Variants in IQCM observed in about 807,000 individuals in gnomAD.
IQCM encodes the protein IQ domain-containing protein M.
IQCM carries 45 observed loss-of-function variants against 57.6 expected under a neutral mutation model. That is an observed-to-expected ratio of 0.78 (90% CI 0.62 to 1.00). The LOEUF (loss-of-function observed/expected upper bound fraction) is 1.00, where lower values mean the gene tolerates loss of function less well. IQCM is among the 50% of genes least tolerant of loss of function. The probability of loss-of-function intolerance (pLI) is 0.00; values close to 1 mark genes in which losing one functional copy is unlikely to be tolerated. For missense variants in IQCM, 468 were observed against 511.6 expected (o/e 0.91, Z 0.82); for synonymous variants, 148 against 158.9 (o/e 0.93, Z 0.51).
chr4:149,526,404 A>G (rs886634644), intron 12 of IQCM, among the ~76,000 whole-genome samples: 7 of 152,064 alleles, frequency 4.6e-5, no homozygotes, highest in Admixed American at 4.6e-4. Flanking sequence ...ATATGCATAT[A>G]TAAGCAAGAA....
At chr4:149,565,958 G>T (rs899124450) in intron 9 of IQCM, among the ~76,000 whole-genome samples, 9 of 151,930 alleles carry the variant, frequency 5.9e-5, no homozygotes, top group African/African-American at 2.2e-4. Context: ...ATATCATTTT[G>T]TACACTGAGG....
chr4:149,468,398 C>T (rs1259431373), intron 12 of IQCM, among the ~76,000 whole-genome samples: 1 of 152,200 alleles, frequency 6.6e-6, no homozygotes, highest in Admixed American at 6.5e-5. Context: ...AGTCTGAGAT[C>T]AAACTGCAAG....
chr4:149,544,494 T>C (rs1020198579), intron 12 of IQCM, among the ~76,000 whole-genome samples: 1 of 152,166 alleles, frequency 6.6e-6, no homozygotes, highest in African/African-American at 2.4e-5. Context: ...AAATGATCTA[T>C]TGATTCAATG....
intron 2 of IQCM, among the ~76,000 whole-genome samples, chr4:149,791,490 G>A (rs1157711223): frequency 6.6e-6 from 1 of 151,936 alleles, no homozygotes; most frequent in Non-Finnish European, 1.5e-5. Context: ...AACTGTAGTT[G>A]CCCTATTGTG....
At chr4:149,461,088 G>T (rs1738231467) in intron 12 of IQCM, among the ~76,000 whole-genome samples, 1 of 151,978 alleles carries the variant, frequency 6.6e-6, no homozygotes, top group Non-Finnish European at 1.5e-5. Context: ...TACAAAATTA[G>T]GCGGGTGTGG....
chr4:149,393,116 T>C (rs1333014875), intron 13 of IQCM, among the ~76,000 whole-genome samples: 1 of 151,978 alleles, frequency 6.6e-6, no homozygotes, highest in East Asian at 1.9e-4. Context: ...TTAAGGCTAG[T>C]GAGCTGCAAT....
chr4:149,484,114 T>C, intron 12 of IQCM, among the ~76,000 whole-genome samples: 1 of 152,000 alleles, frequency 6.6e-6, no homozygotes, highest in East Asian at 1.9e-4. Flanking sequence ...ACTCCTGCTC[T>C]TTTTTTGTTT....
At chr4:149,369,549 T>C (rs1186402202) in intron 13 of IQCM, among the ~76,000 whole-genome samples, 1 of 152,220 alleles carries the variant, frequency 6.6e-6, no homozygotes, top group Admixed American at 6.5e-5. Context: ...AAAAGTGGTA[T>C]AGCATTACTA....
At chr4:149,615,005 T>C (rs1755661487) in intron 8 of IQCM, among the ~76,000 whole-genome samples, 1 of 152,218 alleles carries the variant, frequency 6.6e-6, no homozygotes, top group South Asian at 2.1e-4. Context: ...TATTTCCAAA[T>C]ACTAACTAGA....
chr4:149,359,971 T>A lies in IQCM; in HGVS notation c.1391-7905A>T, dbSNP rs185603406. On this transcript the variant is annotated intron_variant, in intron 13 of 13. Coordinates refer to ENST00000636793, the MANE Select transcript of IQCM (RefSeq NM_001363507.2). ...GATATAAAGGGCACTAGCTGAGAGCTTTCTGGGTCTCCATTTCCTAATCAA... is the reference window on the plus strand; with the variant it reads ...GATATAAAGGGCACTAGCTGAGAGCATTCTGGGTCTCCATTTCCTAATCAA... 1.8e-3 allele frequency among the ~76,000 whole-genome samples: 267 copies of A among 152,238 alleles called. 2 individuals carry two copies. The highest frequency in any genetic ancestry group is 5.4e-3 in the South Asian group (26 of 4,832).
intron 12 of IQCM, among the ~76,000 whole-genome samples, chr4:149,460,155 A>G (rs541709191): frequency 6.6e-6 from 1 of 152,150 alleles, no homozygotes; most frequent in South Asian, 2.1e-4. Flanking sequence ...TTTGATTTGC[A>G]TTTCCCTAAT....
chr4:149,437,947 G>C (rs1002119161), intron 12 of IQCM, among the ~76,000 whole-genome samples: 5 of 151,818 alleles, frequency 3.3e-5, no homozygotes, highest in African/African-American at 9.7e-5. Flanking sequence ...TAACGTACCC[G>C]CCCCTTCACA....
At chr4:149,677,687 A>T (rs1460538137) in intron 7 of IQCM, among the ~76,000 whole-genome samples, 1 of 151,988 alleles carries the variant, frequency 6.6e-6, no homozygotes, top group African/African-American at 2.4e-5. Flanking sequence ...CAAAGCAAAG[A>T]TTTAGCAACT....
At chr4:149,510,714 A>C (rs1280691454) in intron 12 of IQCM, among the ~76,000 whole-genome samples, 1 of 152,170 alleles carries the variant, frequency 6.6e-6, no homozygotes, top group Non-Finnish European at 1.5e-5. Flanking sequence ...ATACTAGTCA[A>C]GTATTTCATA....
rs900122575 is a variant in IQCM, at chr4:149,733,400, C to T, written c.229G>A (p.Val77Met). ...EIDKKVTRDV[V>M]QEHRAALRRI... is the part of the protein sequence containing the mutation. ...CTGAGTGCGGCCCGATGTTCTTGCA[C>T]CACATCACGTGTTACCTTTTTGTCA... The change falls in exon 5 of 14, where the codon GTG becomes ATG. Residue 77 changes from valine to methionine, a missense_variant. Physicochemically the swap from Val to Met is conservative, Grantham distance 21 (BLOSUM62 1). Coordinates refer to ENST00000636793, the MANE Select transcript of IQCM (RefSeq NM_001363507.2). 4 of 1,231,684 alleles carry T rather than the reference C, an allele frequency of 3.2e-6. No homozygotes were observed. The highest frequency in any genetic ancestry group is 3.1e-5 in the African/African-American group (2 of 64,362). 76.3% of individuals were successfully genotyped at this position (1,231,684 alleles called of 1,614,324 possible).
In IQCM at chr4:149,453,891, T is replaced by C. The variant is rs555232558; in HGVS notation, c.1229-20334A>G. ...TCTACCCATGAAATATTAAAATATA[T>C]GTTTATACAAAAACTTGTAATCAAT... On this transcript the variant is annotated intron_variant, in intron 12 of 13. Coordinates refer to ENST00000636793, the MANE Select transcript of IQCM (RefSeq NM_001363507.2). Among the ~76,000 whole-genome samples the C allele has an allele frequency of 8.6e-5, 13 of 151,948 alleles. No individual in the cohort carries two copies. The South Asian group carries it at 2.7e-3, about 31-fold the overall frequency.
intron 7 of IQCM, among the ~76,000 whole-genome samples, chr4:149,652,918 C>A (rs1759320467): frequency 6.6e-6 from 1 of 152,052 alleles, no homozygotes; most frequent in Non-Finnish European, 1.5e-5. Flanking sequence ...GGATGCTCAC[C>A]AAAACACACC....
chr4:149,508,053 C>T (rs1194715804), intron 12 of IQCM, among the ~76,000 whole-genome samples: 3 of 151,754 alleles, frequency 2.0e-5, no homozygotes, highest in Non-Finnish European at 2.9e-5. Context: ...TGGTGTTGAA[C>T]CTACGAGTCC....
chr4:149,401,522 GT>G (rs1186326225), intron 13 of IQCM, among the ~76,000 whole-genome samples: 1 of 151,666 alleles, frequency 6.6e-6, no homozygotes, highest in Non-Finnish European at 1.5e-5. Flanking sequence ...TTGTAGTCCA[GT>G]TTTTTAATCA....
Sources: allele counts gnomAD v4.1 joint callset (sites outside exome capture counted in the v4.1 genomes callset), GRCh38; gene constraint gnomAD v4.1.1; transcripts MANE v1.5; gene names NCBI Gene and HGNC (gene_info 2026-07-23, HGNC 2026-07-21).